Variants in AGBL1 observed in about 807,000 individuals in gnomAD.
AGBL1 encodes the protein cytosolic carboxypeptidase 4.
Under a neutral mutation model 118.9 loss-of-function variants are expected in AGBL1, and 130 were observed. The ratio of observed to expected loss-of-function variants is 1.09; its 90% CI spans 0.95 to 1.26. The LOEUF is 1.26. AGBL1 is among the 50% of genes most tolerant of loss of function. The pLI is 0.00. For missense variants in AGBL1, 1,584 were observed against 1,298.1 expected, an observed-to-expected ratio of 1.22 and a Z score of -3.38; for synonymous variants, 555 against 478.9, an observed-to-expected ratio of 1.16 and a Z score of -2.08.
intron 19 of AGBL1, among the ~76,000 whole-genome samples, chr15:86,540,151 A>T (rs1028314049): frequency 3.3e-5 from 5 of 152,202 alleles, no homozygotes; most frequent in African/African-American, 1.2e-4. Context: ...AATTTTTAGC[A>T]TGCTATCTAG....
intron 22 of AGBL1, among the ~76,000 whole-genome samples, chr15:86,770,895 T>G (rs186313563): frequency 3.3e-5 from 5 of 152,176 alleles, no homozygotes; most frequent in African/African-American, 9.6e-5. Context: ...TTCTCAAACC[T>G]GGGCACACAG....
intron 5 of AGBL1, among the ~76,000 whole-genome samples, chr15:86,224,394 AT>A (rs1260319291): frequency 6.6e-6 from 1 of 152,052 alleles, no homozygotes; most frequent in African/African-American, 2.4e-5. Context: ...CAACATAACT[AT>A]TTTCCACCCT....
intron 17 of AGBL1, among the ~76,000 whole-genome samples, chr15:86,354,430 C>T (rs2080680758): frequency 6.6e-6 from 1 of 152,202 alleles, no homozygotes; most frequent in African/African-American, 2.4e-5. Flanking sequence ...TAACACAAAT[C>T]TGTAATCTTT....
chr15:86,475,662 C>T (rs1327439143), intron 18 of AGBL1, among the ~76,000 whole-genome samples: 1 of 152,174 alleles, frequency 6.6e-6, no homozygotes, highest in Non-Finnish European at 1.5e-5. Flanking sequence ...AGGATATTAT[C>T]CAGGAGAACT....
chr15:86,939,974 C>A (rs959506861), intron 23 of AGBL1, among the ~76,000 whole-genome samples: 3 of 151,384 alleles, frequency 2.0e-5, no homozygotes, highest in Non-Finnish European at 4.4e-5. Context: ...CTTGACCTCC[C>A]AGGCTCAAGC....
In AGBL1 at chr15:86,277,292, GTGTGTGTGTGCA is replaced by G. The variant is rs1402198850; in HGVS notation, c.2076-2336_2076-2325del. Among the ~76,000 whole-genome samples the G allele has an allele frequency of 5.2e-5, 7 of 134,870 alleles. No homozygotes were observed. The East Asian group carries it at 1.0e-3, about 20-fold the overall frequency. 88.5% of individuals were successfully genotyped at this position (134,870 alleles called of 152,430 possible). A position where few individuals can be genotyped will look rare whatever the true frequency, so the allele number is the denominator to read the frequency against. On this transcript the variant is annotated intron_variant, in intron 15 of 22. Coordinates refer to ENST00000614907, the MANE Select transcript of AGBL1 (RefSeq NM_001386094.1). ...GCATGTTAGGAGAGAGAGAGAGAGT[GTGTGTGTGTGCA>G]TGTGTGTGTGTGTATGTGTGTGTGT... is the stretch of plus-strand genomic sequence containing the variant.
chr15:86,798,189 C>T lies in AGBL1; in HGVS notation c.3159-108898C>T, dbSNP rs138477317. Among the ~76,000 whole-genome samples, 1,285 of 152,194 alleles carry T rather than the reference C, an allele frequency of 8.4e-3. 10 individuals are homozygous for T. The highest frequency in any genetic ancestry group is 0.017 in the Middle Eastern group (5 of 294). ...AACAGAACAAAACAACAAAAACAAC[C>T]GATTCCACCACATTTATCTTTGCCT... is the stretch of plus-strand genomic sequence containing the variant. On this transcript the variant is annotated intron_variant, in intron 22 of 22. Transcript: ENST00000614907.
intron 5 of AGBL1, among the ~76,000 whole-genome samples, chr15:86,191,484 A>G (rs974879015): frequency 4.6e-5 from 7 of 152,120 alleles, no homozygotes; most frequent in African/African-American, 1.7e-4. Context: ...AAAGGCTTGT[A>G]ATGATAGCCC....
rs1456554230 is a variant in AGBL1 at position 86,377,091 on chromosome 15, C to T, written c.2375-20275C>T. 2.0e-5 allele frequency among the ~76,000 whole-genome samples: 3 copies of T among 152,240 alleles called. No individual in the cohort carries two copies. In the South Asian group the frequency reaches 6.2e-4, roughly 32 times the overall value. On this transcript the variant is annotated intron_variant, in intron 17 of 22. Transcript: ENST00000614907. ...TGCTGGTGAGGTTTTTCTGGCTGGGCCTAATGGTGCAGAACCACCACGGAC... is the reference window on the plus strand; with the variant it reads ...TGCTGGTGAGGTTTTTCTGGCTGGGTCTAATGGTGCAGAACCACCACGGAC...
chr15:86,403,808 G>A (rs1032046261), intron 18 of AGBL1, among the ~76,000 whole-genome samples: 3 of 152,142 alleles, frequency 2.0e-5, no homozygotes, highest in African/African-American at 7.2e-5. Flanking sequence ...GATATTTAAG[G>A]GAGTTAGAAT....
chr15:86,128,281 A>T (rs577222693), intron 1 of AGBL1, among the ~76,000 whole-genome samples: 1 of 152,308 alleles, frequency 6.6e-6, no homozygotes, highest in African/African-American at 2.4e-5. Flanking sequence ...ACTCCCATTT[A>T]TCAAGGCATC....
intron 1 of AGBL1, among the ~76,000 whole-genome samples, chr15:86,109,010 G>A (rs775218280): frequency 1.3e-5 from 2 of 152,084 alleles, no homozygotes; most frequent in Non-Finnish European, 2.9e-5. Context: ...ATGTTGAAGT[G>A]AGAATATCTA....
At chr15:86,723,512 G>T (rs902585002) in intron 22 of AGBL1, among the ~76,000 whole-genome samples, 2 of 152,254 alleles carry the variant, frequency 1.3e-5, no homozygotes, top group South Asian at 2.1e-4. Context: ...TTGTGGAGTG[G>T]GGTGAGGGGG....
At chr15:86,680,076 C>T (rs993893877) in intron 22 of AGBL1, among the ~76,000 whole-genome samples, 2 of 152,128 alleles carry the variant, frequency 1.3e-5, no homozygotes, top group African/African-American at 2.4e-5. Flanking sequence ...CCTGTAAAAT[C>T]ATCTGTGTTC....
chr15:86,491,382 T>G (rs1313535171), intron 18 of AGBL1, among the ~76,000 whole-genome samples: 1 of 152,080 alleles, frequency 6.6e-6, no homozygotes, highest in Non-Finnish European at 1.5e-5. Flanking sequence ...GAGGACCAGG[T>G]CATGAGAGGC....
At chr15:86,333,799 A>G (rs1490006713) in intron 17 of AGBL1, among the ~76,000 whole-genome samples, 1 of 152,204 alleles carries the variant, frequency 6.6e-6, no homozygotes, top group African/African-American at 2.4e-5. Context: ...AATGCTAGCA[A>G]GCTGAACCCA....
chr15:86,805,805 C>T (rs535351625), intron 22 of AGBL1, among the ~76,000 whole-genome samples: 7 of 152,230 alleles, frequency 4.6e-5, no homozygotes, highest in South Asian at 4.1e-4. Context: ...ACACACTCAA[C>T]CATTTACTAC....
chr15:86,873,442 G>T (rs893459661), intron 22 of AGBL1, among the ~76,000 whole-genome samples: 1 of 152,136 alleles, frequency 6.6e-6, no homozygotes, highest in Non-Finnish European at 1.5e-5. Context: ...ACTCCACAAT[G>T]ATAATGTCCA....
intron 22 of AGBL1, among the ~76,000 whole-genome samples, chr15:86,875,882 G>A (rs1313279630): frequency 6.6e-6 from 1 of 152,192 alleles, no homozygotes; most frequent in African/African-American, 2.4e-5. Context: ...ACCTCAATGT[G>A]AGACCAGACT....
Sources: allele counts gnomAD v4.1 joint callset (sites outside exome capture counted in the v4.1 genomes callset), GRCh38; gene constraint gnomAD v4.1.1; transcripts MANE v1.5; gene names NCBI Gene and HGNC (gene_info 2026-07-23, HGNC 2026-07-21).